ARHGAP6: variants seen among roughly 807,000 people sequenced by gnomAD.
The protein encoded by ARHGAP6 is rho GTPase-activating protein 6.
In ARHGAP6, 16 loss-of-function variants were observed where a neutral mutation model predicts 55.7. That is an observed-to-expected ratio of 0.29 (90% CI 0.19 to 0.44). The LOEUF (loss-of-function observed/expected upper bound fraction) is 0.44. Ranked by LOEUF, ARHGAP6 falls within the 20% of genes least tolerant of loss-of-function variation. The pLI is 1.00. For missense variants in ARHGAP6, 698 were observed against 808.9 expected (o/e 0.86, Z 1.66); for synonymous variants, 382 against 360.9 (o/e 1.06, Z -0.66).
At chrX:11,175,360 G>A (rs2046197391) in intron 8 of ARHGAP6, among the ~76,000 whole-genome samples, 1 of 111,938 alleles carries the variant, frequency 8.9e-6, no homozygotes, top group Admixed American at 9.4e-5. Context: ...TTTAATCTTT[G>A]GCTATTAGTC....
chrX:11,606,173 G>C (rs2052034236), intron 1 of ARHGAP6, among the ~76,000 whole-genome samples: 1 of 112,138 alleles, frequency 8.9e-6, no homozygotes, highest in South Asian at 3.7e-4. Flanking sequence ...TAGCAACAAA[G>C]ATTTAGTTTA....
intron 1 of ARHGAP6, among the ~76,000 whole-genome samples, chrX:11,583,728 A>T (rs2051690944): frequency 9.0e-6 from 1 of 111,667 alleles, no homozygotes; most frequent in Admixed American, 9.6e-5. Flanking sequence ...AACTTTAGGA[A>T]AACTATTAAC....
At chrX:11,451,646 T>C (rs1483790694) in intron 1 of ARHGAP6, among the ~76,000 whole-genome samples, 1 of 111,977 alleles carries the variant, frequency 8.9e-6, no homozygotes, top group East Asian at 2.8e-4. Context: ...TCACTCTGTC[T>C]ACAGTACCTT....
At chrX:11,554,505 CCTGA>C (rs2051301730) in intron 1 of ARHGAP6, among the ~76,000 whole-genome samples, 1 of 111,666 alleles carries the variant, frequency 9.0e-6, no homozygotes, top group Admixed American at 9.5e-5. Context: ...CCCTAAATAC[CCTGA>C]CTAAATCATT....
At chrX:11,481,181 G>A (rs1842888479) in intron 1 of ARHGAP6, among the ~76,000 whole-genome samples, 1 of 111,047 alleles carries the variant, frequency 9.0e-6, no homozygotes, top group African/African-American at 3.3e-5. Context: ...ACTAACTAGA[G>A]GCTTTCAGAA....
intron 1 of ARHGAP6, among the ~76,000 whole-genome samples, chrX:11,490,679 T>G (rs1452971690): frequency 8.9e-6 from 1 of 112,412 alleles, no homozygotes; most frequent in Non-Finnish European, 1.9e-5. Context: ...TTTCCAGGTC[T>G]CCTTCTATTT....
intron 1 of ARHGAP6, among the ~76,000 whole-genome samples, chrX:11,608,808 G>C (rs372462112): frequency 1.6e-4 from 18 of 111,637 alleles, no homozygotes; most frequent in South Asian, 7.6e-4. Context: ...CATGTAGGAA[G>C]TGCCTTTCAC....
chrX:11,142,447 G>T, intron 11 of ARHGAP6, 134 bp from the exon 12 acceptor site: 1 of 337,741 alleles, frequency 3.0e-6, no homozygotes, highest in Admixed American at 4.9e-5. Flanking sequence ...ATACAATTCA[G>T]ATCCACCTTT....
intron 1 of ARHGAP6, among the ~76,000 whole-genome samples, chrX:11,563,519 C>T (rs993086060): frequency 1.8e-5 from 2 of 111,130 alleles, no homozygotes; most frequent in Non-Finnish European, 3.8e-5. Flanking sequence ...CTCTCATATG[C>T]GTGCACATGC....
chrX:11,368,188 G>C (rs776954840), intron 1 of ARHGAP6, among the ~76,000 whole-genome samples: 17 of 112,468 alleles, frequency 1.5e-4, no homozygotes, highest in African/African-American at 4.8e-4. Flanking sequence ...AAGGATTCTT[G>C]TTGTTTATCT....
chrX:11,584,218 A>C (rs1223712760), intron 1 of ARHGAP6, among the ~76,000 whole-genome samples: 1 of 112,175 alleles, frequency 8.9e-6, no homozygotes, highest in Non-Finnish European at 1.9e-5. Flanking sequence ...TTTCGCCCAG[A>C]TAAGCAAACA....
At chrX:11,219,187 T>G (rs1219424320) in intron 2 of ARHGAP6, among the ~76,000 whole-genome samples, 1 of 101,672 alleles carries the variant, frequency 9.8e-6, no homozygotes, top group Non-Finnish European at 2.0e-5. Context: ...GATTTCCAAT[T>G]TCATCCATGT....
At chrX:11,399,292 C>CAAAATA (rs1176983634) in intron 1 of ARHGAP6, among the ~76,000 whole-genome samples, 3 of 78,154 alleles carry the variant, frequency 3.8e-5, no homozygotes, top group Non-Finnish European at 6.9e-5. Context: ...GCCTCCCCCA[C>CAAAATA]AAAATAGAGC....
chrX:11,572,651 G>A (rs968964584), intron 1 of ARHGAP6, among the ~76,000 whole-genome samples: 21 of 111,704 alleles, frequency 1.9e-4, no homozygotes, highest in Admixed American at 8.6e-4. Flanking sequence ...ATAAACATAC[G>A]TGTGCATGTG....
At chrX:11,216,083 G>A (rs1569259536) in intron 2 of ARHGAP6, among the ~76,000 whole-genome samples, 1 of 110,661 alleles carries the variant, frequency 9.0e-6, no homozygotes, top group Non-Finnish European at 1.9e-5. Context: ...AAAATGGTCA[G>A]GGTCCCAGTG....
At chrX:11,254,775 T>C in intron 1 of ARHGAP6, 68 bp from the exon 2 acceptor site, 3 of 1,029,179 alleles carry the variant, frequency 2.9e-6, no homozygotes, top group Non-Finnish European at 3.8e-6. Context: ...CTCACAAATC[T>C]CATCCTCTCT....
chrX:11,616,176 T>C (rs752919160), intron 1 of ARHGAP6, among the ~76,000 whole-genome samples: 3 of 110,754 alleles, frequency 2.7e-5, no homozygotes, highest in African/African-American at 6.6e-5. Context: ...TACCCTGGGT[T>C]TGGTCCCCCT....
chrX:11,458,466 C>G (rs760561444), intron 1 of ARHGAP6, among the ~76,000 whole-genome samples: 16 of 112,231 alleles, frequency 1.4e-4, no homozygotes, highest in South Asian at 3.8e-4. Flanking sequence ...GTCACATCCA[C>G]CCTAGGGTTC....
intron 1 of ARHGAP6, among the ~76,000 whole-genome samples, chrX:11,476,423 A>G (rs892399311): frequency 1.8e-5 from 2 of 112,006 alleles, no homozygotes; most frequent in African/African-American, 6.5e-5. Context: ...CCATAATTTC[A>G]GTGTAATCTC....
Sources: gnomAD v4.1 joint callset for allele counts (sites outside exome capture counted in the v4.1 genomes callset) on GRCh38, gnomAD v4.1.1 for gene constraint, MANE v1.5 for transcripts, NCBI Gene and HGNC (gene_info 2026-07-23, HGNC 2026-07-21) for gene names.